KIAA0825: variants seen among roughly 807,000 people sequenced by gnomAD.
KIAA0825 encodes the protein KIAA0825.
A neutral mutation model predicts 147.6 loss-of-function variants in KIAA0825; 119 were observed. The ratio of observed to expected loss-of-function variants is 0.81; its 90% confidence interval spans 0.69 to 0.94. KIAA0825 has a LOEUF of 0.94. KIAA0825 is among the 40% of genes least tolerant of loss of function. The pLI is 0.00. For synonymous variants in KIAA0825, 470 were observed against 518.1 expected, an observed-to-expected ratio of 0.91 and a Z score of 1.26; for missense variants, 1,381 against 1,472.7, an observed-to-expected ratio of 0.94 and a Z score of 1.02.
At chr5:94,346,397 C>G (rs1782990083) in intron 20 of KIAA0825, among the ~76,000 whole-genome samples, 1 of 152,102 alleles carries the variant, frequency 6.6e-6, no homozygotes, top group Non-Finnish European at 1.5e-5. Flanking sequence ...TTTTCCAGAT[C>G]GACTGCAAGA....
chr5:94,349,963 G>A (rs1047419900), intron 20 of KIAA0825, among the ~76,000 whole-genome samples: 2 of 151,662 alleles, frequency 1.3e-5, no homozygotes, highest in African/African-American at 4.8e-5. Context: ...CTGGAACAAA[G>A]AAATACAAAA....
At chr5:94,330,648 G>A (rs553490442) in intron 20 of KIAA0825, among the ~76,000 whole-genome samples, 2 of 151,776 alleles carry the variant, frequency 1.3e-5, no homozygotes, top group East Asian at 3.9e-4. Context: ...TATGATATAA[G>A]AAATTAGAAA....
intron 5 of KIAA0825, among the ~76,000 whole-genome samples, chr5:94,494,629 T>A (rs959084250): frequency 2.0e-5 from 3 of 152,208 alleles, no homozygotes; most frequent in Non-Finnish European, 2.9e-5. Flanking sequence ...TACTATATGC[T>A]AATGGTACAT....
chr5:94,436,110 G>T (rs558961178), intron 14 of KIAA0825, among the ~76,000 whole-genome samples: 1 of 152,038 alleles, frequency 6.6e-6, no homozygotes, highest in Non-Finnish European at 1.5e-5. Flanking sequence ...CTTTTGCTGT[G>T]CAGAATCTCT....
chr5:94,506,224 C>T (rs966389108), intron 5 of KIAA0825, among the ~76,000 whole-genome samples: 4 of 152,188 alleles, frequency 2.6e-5, no homozygotes, highest in Admixed American at 6.5e-5. Flanking sequence ...CATAGTCTAT[C>T]AGGATATACT....
chr5:94,419,526 G>A (rs1158867710), intron 14 of KIAA0825, among the ~76,000 whole-genome samples: 1 of 152,046 alleles, frequency 6.6e-6, no homozygotes, highest in Non-Finnish European at 1.5e-5. Flanking sequence ...GAGTTTATTT[G>A]CTTGTAAATG....
chr5:94,312,795 A>C (rs1161508010), intron 20 of KIAA0825, among the ~76,000 whole-genome samples: 1 of 151,704 alleles, frequency 6.6e-6, no homozygotes, highest in African/African-American at 2.4e-5. Flanking sequence ...AAAGGTTTAG[A>C]GCAAACATTA....
intron 20 of KIAA0825, among the ~76,000 whole-genome samples, chr5:94,353,520 G>T (rs760887100): frequency 1.9e-4 from 29 of 151,540 alleles, no homozygotes; most frequent in Non-Finnish European, 2.6e-4. Flanking sequence ...TATTTTGGGG[G>T]GTATATAATT....
At chr5:94,544,564 A>C (rs1773959331) in intron 2 of KIAA0825, among the ~76,000 whole-genome samples, 1 of 152,074 alleles carries the variant, frequency 6.6e-6, no homozygotes, top group African/African-American at 2.4e-5. Flanking sequence ...TTTACTTTCT[A>C]TCTTCCAGAA....
chr5:94,477,284 TA>T, intron 6 of KIAA0825, 79 bp from the exon 7 acceptor site: 2 of 940,518 alleles, frequency 2.1e-6, no homozygotes, highest in Non-Finnish European at 3.3e-6. Context: ...TAAATTCAGG[TA>T]AATATTAACT....
intron 1 of KIAA0825, among the ~76,000 whole-genome samples, chr5:94,613,441 C>T (rs559446447): frequency 1.3e-5 from 2 of 152,248 alleles, no homozygotes; most frequent in East Asian, 3.9e-4. Context: ...TCAAGAGATC[C>T]GCCCGCATTG....
At chr5:94,342,955 A>G (rs1007780281) in intron 20 of KIAA0825, among the ~76,000 whole-genome samples, 2 of 152,138 alleles carry the variant, frequency 1.3e-5, no homozygotes, top group African/African-American at 4.8e-5. Context: ...TGTGTACCAA[A>G]AAAGAGAAAA....
At chr5:94,395,433 A>G (rs1291789096) in intron 17 of KIAA0825, among the ~76,000 whole-genome samples, 1 of 152,164 alleles carries the variant, frequency 6.6e-6, no homozygotes, top group African/African-American at 2.4e-5. Context: ...ATACCATGCA[A>G]TTCTATACCT....
intron 20 of KIAA0825, among the ~76,000 whole-genome samples, chr5:94,195,991 C>T (rs1771095367): frequency 6.6e-6 from 1 of 152,190 alleles, no homozygotes; most frequent in South Asian, 2.1e-4. Flanking sequence ...GCACCTGCAT[C>T]TCTGCAGGAG....
At chr5:94,271,012 T>G (rs770038410) in intron 20 of KIAA0825, among the ~76,000 whole-genome samples, 1 of 152,132 alleles carries the variant, frequency 6.6e-6, no homozygotes, top group African/African-American at 2.4e-5. Context: ...AAAAATGTAT[T>G]TTTTTAGAAA....
intron 11 of KIAA0825, among the ~76,000 whole-genome samples, chr5:94,463,310 A>G (rs1464566100): frequency 3.3e-5 from 5 of 150,910 alleles, no homozygotes; most frequent in African/African-American, 1.2e-4. Flanking sequence ...AGAAAATGAA[A>G]ATTTTGAAGT....
rs558961178 is a variant in KIAA0825, at chr5:94,436,110, G to A, written c.2497+3872C>T. Among the ~76,000 whole-genome samples the A allele has an allele frequency of 6.6e-5, 10 of 152,156 alleles. No homozygotes were observed. The East Asian group carries it at 1.9e-3, about 29-fold the overall frequency. On this transcript the variant is annotated intron_variant, in intron 14 of 20. Transcript: ENST00000682413. Reference sequence around the variant, plus strand: ...CTCTGTTGACAGCTTCTTTTGCTGTGCAGAATCTCTTTAGTTCAATTAGAT... The same window carrying A: ...CTCTGTTGACAGCTTCTTTTGCTGTACAGAATCTCTTTAGTTCAATTAGAT...
chr5:94,300,640 G>T (rs895669664), intron 20 of KIAA0825, among the ~76,000 whole-genome samples: 1 of 152,080 alleles, frequency 6.6e-6, no homozygotes, highest in African/African-American at 2.4e-5. Context: ...GAAAAGAATA[G>T]CAAGTTCTGC....
At chr5:94,475,158 C>A (rs1761721882) in intron 7 of KIAA0825, among the ~76,000 whole-genome samples, 1 of 151,736 alleles carries the variant, frequency 6.6e-6, no homozygotes, top group South Asian at 2.1e-4. Context: ...TATAAGAGAA[C>A]TTGGAAGTGG....
Sources: gnomAD v4.1 joint callset for allele counts (sites outside exome capture counted in the v4.1 genomes callset) on GRCh38, gnomAD v4.1.1 for gene constraint, MANE v1.5 for transcripts, NCBI Gene and HGNC (gene_info 2026-07-23, HGNC 2026-07-21) for gene names.